The following MYB variants were observed in gnomAD, a reference collection of about 807,000 sequenced individuals.
MYB encodes MYB proto-oncogene, transcription factor.
In MYB, 28 loss-of-function variants were observed where a neutral mutation model predicts 92.9. The observed-to-expected ratio is 0.30, with a 90% CI of 0.22 to 0.41. The LOEUF (loss-of-function observed/expected upper bound fraction) is 0.41, where lower values mean the gene tolerates loss of function less well. MYB is among the 10% of genes least tolerant of loss of function. The probability of loss-of-function intolerance (pLI) is 1.00; values close to 1 mark genes in which losing one functional copy is unlikely to be tolerated. For missense variants in MYB, 679 were observed against 929.3 expected, an observed-to-expected ratio of 0.73 and a Z score of 3.50; for synonymous variants, 295 against 329.1, an observed-to-expected ratio of 0.90 and a Z score of 1.12.
Position 135,181,473 on chromosome 6 carries a change from G to T in MYB, c.-41G>T. 9.0e-7 allele frequency: 1 copy of T among 1,115,528 alleles called. No homozygotes were observed. Among genetic ancestry groups the T allele is most frequent in the Non-Finnish European group, 1.1e-6 (1 of 914,022 alleles). 69.1% of individuals were successfully genotyped at this position (1,115,528 alleles called of 1,614,324 possible). A position where few individuals can be genotyped will look rare whatever the true frequency, so the allele number is the denominator to read the frequency against. ...GCAGCGGGAGGCGGCAGCCCGGTGC[G>T]GTCCCCGCGGCTCTCGGCGGAGCCC... On this transcript the variant is annotated 5_prime_UTR_variant, in exon 1 of 16. Coordinates refer to ENST00000341911, the MANE Select transcript of MYB (RefSeq NM_001130173.2). This position sits in a 1 kb window ranked among gnomAD's most constrained non-coding sequence, Gnocchi z 5.3.
At chr6:135,192,038 C>T (rs1221751604) in intron 5 of MYB, among the ~76,000 whole-genome samples, 1 of 152,026 alleles carries the variant, frequency 6.6e-6, no homozygotes, top group Non-Finnish European at 1.5e-5. Context: ...AAACATGAAG[C>T]GTTATCGTAT....
intron 15 of MYB, 23 bp from the exon 16 acceptor site, chr6:135,217,841 G>T (rs779696306): frequency 6.6e-7 from 1 of 1,525,506 alleles, no homozygotes; most frequent in South Asian, 1.1e-5. Flanking sequence ...TGACGCTCCT[G>T]TTGCCATCCC....
At chr6:135,192,663 C>A in intron 6 of MYB, 105 bp downstream of exon 6, 3 of 1,053,136 alleles carry the variant, frequency 2.8e-6, no homozygotes, top group African/African-American at 1.6e-5. Flanking sequence ...CTTTCCTGAG[C>A]ATGATCATGG....
chr6:135,187,783 GA>G, intron 2 of MYB, 50 bp from the exon 3 acceptor site: 1 of 1,278,024 alleles, frequency 7.8e-7, no homozygotes, highest in Non-Finnish European at 1.1e-6. Context: ...AACTTGAACA[GA>G]GTTATATAGT....
intron 8 of MYB, chr6:135,195,354 C>CGTAG: frequency 6.3e-6 from 1 of 158,242 alleles, no homozygotes; most frequent in East Asian, 1.7e-4. Flanking sequence ...ACTCCTGAGT[C>CGTAG]CTCTAGCTTT....
rs1780703006 is a variant in MYB at position 135,218,204 on chromosome 6, G to A, written c.*224G>A. The A allele has an allele frequency of 2.2e-6, 1 of 445,328 alleles. No homozygotes were observed. Among genetic ancestry groups the A allele is most frequent in the Middle Eastern group, 6.0e-4 (1 of 1,666 alleles). The allele number at this position is 445,328 out of a possible 1,614,324, so 27.6% of individuals were successfully genotyped here. Reference sequence around the variant, plus strand: ...AATAACAGTCTTACCTAAATTATTAGGTAATGAATTGTAGCCAGTTGTTAA... The same window carrying A: ...AATAACAGTCTTACCTAAATTATTAAGTAATGAATTGTAGCCAGTTGTTAA... On this transcript the variant is annotated 3_prime_UTR_variant, in exon 16 of 16. Transcript: ENST00000341911.
rs996499362 is a variant in MYB, at chr6:135,196,626, G to A, written c.1204-335G>A. 1.2e-5 allele frequency: 9 copies of A among 757,642 alleles called. No individual in the cohort carries two copies. In the African/African-American group the frequency reaches 1.6e-4, roughly 14 times the overall value. The allele number at this position is 757,642 out of a possible 1,614,324, so 46.9% of individuals were successfully genotyped here. On this transcript the variant is annotated intron_variant, in intron 9 of 15. Transcript: ENST00000341911. ...CGAACACTTGGTTCCTTTCCCAGTTGATTAAAAATCATTTATTGCACACTC... is the reference window on the plus strand; with the variant it reads ...CGAACACTTGGTTCCTTTCCCAGTTAATTAAAAATCATTTATTGCACACTC...
rs1776746207 is a variant in MYB, at chr6:135,192,520, A to C, written c.724A>C (p.Asn242His). 1.2e-6 allele frequency: 2 copies of C among 1,614,254 alleles called. No homozygotes were observed. Among genetic ancestry groups the C allele is most frequent in the East Asian group, 2.2e-5 (1 of 44,892 alleles). Residue 242 changes from asparagine (N) to histidine (H), a missense_variant, in exon 6 of 16, where the codon AAC (asparagine) becomes CAC (histidine). Transcript: ENST00000341911. The stretch of plus-strand genomic sequence containing the variant: ...TGCCACTGGCCAGCCCACTGTTAAC[A>C]ACGACTATTCCTATTACCACATTTC... ...LPATGQPTVN[N>H]DYSYYHISEA...
chr6:135,181,460 G>A lies in MYB; in HGVS notation c.-54G>A. 2.7e-6 allele frequency: 3 copies of A among 1,107,524 alleles called. No homozygotes were observed. Among genetic ancestry groups the A allele is most frequent in the Non-Finnish European group, 3.3e-6 (3 of 905,480 alleles). 68.6% of individuals were successfully genotyped at this position (1,107,524 alleles called of 1,614,324 possible). On this transcript the variant is annotated 5_prime_UTR_variant, in exon 1 of 16. Coordinates refer to ENST00000341911, the MANE Select transcript of MYB (RefSeq NM_001130173.2). The surrounding 1 kb of genome is among the most constrained non-coding windows in gnomAD (Gnocchi z 5.3). ...AGGCAGGCGGCGGGCAGCGGGAGGC[G>A]GCAGCCCGGTGCGGTCCCCGCGGCT...
chr6:135,194,298 T>A, intron 7 of MYB, 58 bp from the exon 8 acceptor site: 1 of 1,305,130 alleles, frequency 7.7e-7, no homozygotes, highest in South Asian at 1.3e-5. Context: ...CTACACCCAT[T>A]GTATTTGCAG....
intron 11 of MYB, chr6:135,199,603 A>G: frequency 1.0e-6 from 1 of 954,038 alleles, no homozygotes; most frequent in African/African-American, 1.8e-5. Flanking sequence ...TTTTTATTCA[A>G]TAAAGCCTTA....
intron 14 of MYB, 67 bp from the exon 15 acceptor site, chr6:135,203,150 G>C: frequency 8.6e-7 from 1 of 1,156,904 alleles, no homozygotes; most frequent in Non-Finnish European, 1.3e-6. Context: ...TCTCCACAGT[G>C]TTAGAAAAAT....
In MYB at chr6:135,193,862, G is replaced by C; in HGVS notation, c.787G>C (p.Val263Leu). The change falls in exon 7 of 16, where the codon GTA (valine) becomes CTA (leucine). Residue 263 changes from valine to leucine, a missense_variant. Val to Leu is a conservative substitution (Grantham distance 32, BLOSUM62 1). This residue lies in a region of MYB where 43 missense variants were observed against 87.9 expected (regional missense o/e 0.49). Coordinates refer to ENST00000341911, the MANE Select transcript of MYB (RefSeq NM_001130173.2). ...QNVSSHVPYP[V>L]ALHVNIVNVP... ...GGTCTCCAGTCATGTTCCATACCCTGTAGCGTTACATGTAAATATAGTCAA... is the reference window on the plus strand; with the variant it reads ...GGTCTCCAGTCATGTTCCATACCCTCTAGCGTTACATGTAAATATAGTCAA... The C allele has an allele frequency of 6.2e-7, 1 of 1,613,020 alleles. No homozygotes were observed. Among genetic ancestry groups the C allele is most frequent in the Non-Finnish European group, 8.5e-7 (1 of 1,179,050 alleles).
chr6:135,195,356 T>G, intron 8 of MYB: 2 of 170,044 alleles, frequency 1.2e-5, no homozygotes, highest in South Asian at 1.1e-4. Context: ...TCCTGAGTCC[T>G]CTAGCTTTTT....
intron 8 of MYB, chr6:135,195,141 T>C: frequency 8.4e-7 from 1 of 1,190,882 alleles, no homozygotes; most frequent in African/African-American, 1.6e-5. Context: ...TATGTGCACA[T>C]GCTAGTTCGA....
intron 1 of MYB, among the ~76,000 whole-genome samples, chr6:135,185,295 T>C (rs1365171660): frequency 1.3e-5 from 2 of 152,214 alleles, no homozygotes; most frequent in African/African-American, 4.8e-5. Flanking sequence ...TAAAGCTTGA[T>C]CACTCAATGT....
intron 14 of MYB, chr6:135,202,784 A>C (rs944072378): frequency 1.6e-5 from 6 of 384,888 alleles, no homozygotes; most frequent in African/African-American, 1.3e-4. Context: ...TGGAACTCAG[A>C]AGGTCTTGTT....
At chr6:135,194,694 TATC>T (rs1299463031) in intron 8 of MYB, 4 of 564,838 alleles carry the variant, frequency 7.1e-6, no homozygotes, top group Admixed American at 3.5e-5. Context: ...TTATGATTGT[TATC>T]ATCAATTTTT....
In MYB at chr6:135,192,497, C is replaced by G. The variant is rs766089394; in HGVS notation, c.701C>G (p.Ala234Gly). Residue 234 changes from alanine to glycine, a missense_variant, in exon 6 of 16, where the codon GCC becomes GGC. Coordinates refer to ENST00000341911, the MANE Select transcript of MYB (RefSeq NM_001130173.2). ...AQAPPTAQLP[A>G]TGQPTVNNDY... ...GCTCCGCCTACAGCTCAACTCCCTG[C>G]CACTGGCCAGCCCACTGTTAACAAC... is the stretch of plus-strand genomic sequence containing the variant. 1.2e-6 allele frequency: 2 copies of G among 1,614,250 alleles called. No individual in the cohort carries two copies. Among genetic ancestry groups the G allele is most frequent in the South Asian group, 2.2e-5 (2 of 91,086 alleles).
Sources: gnomAD v4.1 joint callset for allele counts (sites outside exome capture counted in the v4.1 genomes callset) on GRCh38, gnomAD v4.1.1 for gene constraint, gnomAD v4.1.1 regional missense constraint, Gnocchi (gnomAD v3.1) non-coding constraint, MANE v1.5 for transcripts, NCBI Gene and HGNC (gene_info 2026-07-23, HGNC 2026-07-21) for gene names.